The following JARID2 variants were observed in gnomAD, a reference collection of about 807,000 sequenced individuals.
JARID2 encodes the protein protein Jumonji.
Under a neutral mutation model 125.6 loss-of-function variants are expected in JARID2, and 21 were observed. The observed-to-expected ratio is 0.17, with a 90% CI of 0.12 to 0.24. The LOEUF is 0.24. Ranked by LOEUF, JARID2 falls within the 10% of genes least tolerant of loss-of-function variation. JARID2 has a pLI of 1.00. For missense variants in JARID2, 1,303 were observed against 1,639.6 expected (o/e 0.79, Z 3.55); for synonymous variants, 736 against 661.6 (o/e 1.11, Z -1.73).
At chr6:15,375,767 CTAGAGTTTAGAG>C (rs1174069147) in intron 2 of JARID2, among the ~76,000 whole-genome samples, 1 of 152,096 alleles carries the variant, frequency 6.6e-6, no homozygotes, top group East Asian at 1.9e-4. Flanking sequence ...TCACTTAATC[CTAGAGTTTAGAG>C]TGGAGCAGTG....
intron 1 of JARID2, among the ~76,000 whole-genome samples, chr6:15,323,852 T>C (rs965811043): frequency 2.7e-4 from 41 of 151,646 alleles, no homozygotes; most frequent in Admixed American, 2.4e-3. Context: ...ATCGCGCCAC[T>C]GTACTCCAGC....
intron 2 of JARID2, among the ~76,000 whole-genome samples, chr6:15,386,239 C>A (rs1764779622): frequency 6.6e-6 from 1 of 151,408 alleles, no homozygotes; most frequent in Non-Finnish European, 1.5e-5. Flanking sequence ...CCCTCTCCCC[C>A]ACCCCTCTCC....
At chr6:15,372,085 C>G (rs2127512209) in intron 1 of JARID2, among the ~76,000 whole-genome samples, 1 of 152,306 alleles carries the variant, frequency 6.6e-6, no homozygotes, top group South Asian at 2.1e-4. Context: ...GGCTTAGAGT[C>G]TCTATGATGT....
rs1334969891 is a variant in JARID2, at chr6:15,468,564, C to G, written c.516C>G (p.Ser172Arg). ...CAGGTTCTCCTGCGCTGCCCAACAG[C>G]ATGGTGTATTTTGGAAGCTCTCAGG... is the stretch of plus-strand genomic sequence containing the variant. ...CLRGSPALPN[S>R]MVYFGSSQDE... The change falls in exon 5 of 18, where the codon AGC becomes AGG. Residue 172 changes from serine (S) to arginine (R), a missense_variant. By Grantham distance (110) the Ser-to-Arg change is moderately radical. Transcript: ENST00000341776. 3 of 1,613,880 alleles carry G rather than the reference C, an allele frequency of 1.9e-6. No individual in the cohort carries two copies. The highest frequency in any genetic ancestry group is 2.7e-5 in the African/African-American group (2 of 74,978).
chr6:15,517,274 TC>T lies in JARID2; in HGVS notation c.3558+9del. On this transcript the variant is annotated splice_region_variant and intron_variant, in intron 17 of 17. Transcript: ENST00000341776. ...TGATGTACCGCTACGATGAGGTCAG[TC>T]CCTGCCCGCGGGGTAGGGCAGGGCG... 1 of 1,605,052 alleles carries T rather than the reference TC, an allele frequency of 6.2e-7. No individual in the cohort carries two copies. The highest frequency in any genetic ancestry group is 8.5e-7 in the Non-Finnish European group (1 of 1,171,784).
At chr6:15,308,009 T>G (rs543814605) in intron 1 of JARID2, among the ~76,000 whole-genome samples, 4 of 152,352 alleles carry the variant, frequency 2.6e-5, no homozygotes, top group East Asian at 3.9e-4. Flanking sequence ...CTCAAAACTT[T>G]CGAGTTTCCA....
At chr6:15,407,523 G>A (rs567197451) in intron 2 of JARID2, among the ~76,000 whole-genome samples, 1 of 152,178 alleles carries the variant, frequency 6.6e-6, no homozygotes, top group Non-Finnish European at 1.5e-5. Flanking sequence ...ATTCAGCTAA[G>A]ACTTCAGCTG....
intron 1 of JARID2, among the ~76,000 whole-genome samples, chr6:15,341,782 T>A (rs943510596): frequency 6.6e-6 from 1 of 152,230 alleles, no homozygotes; most frequent in African/African-American, 2.4e-5. Context: ...TCTGCATTGA[T>A]AGACTCAATA....
intron 2 of JARID2, among the ~76,000 whole-genome samples, chr6:15,383,283 T>C (rs1052619678): frequency 6.7e-6 from 1 of 149,524 alleles, no homozygotes; most frequent in Admixed American, 6.7e-5. Context: ...TACTGGCATG[T>C]ATCATCATGC....
chr6:15,459,717 T>C (rs1384604935), intron 4 of JARID2, among the ~76,000 whole-genome samples: 3 of 152,236 alleles, frequency 2.0e-5, no homozygotes, highest in Non-Finnish European at 1.5e-5. Flanking sequence ...GCTGGCCTCA[T>C]TGGCAAGGAA....
At chr6:15,252,918 G>C (rs970960640) in intron 1 of JARID2, among the ~76,000 whole-genome samples, 2 of 152,098 alleles carry the variant, frequency 1.3e-5, no homozygotes, top group African/African-American at 4.8e-5. Context: ...TTTTATTCTA[G>C]GAGGTGAGAA....
rs776567761 is a variant in JARID2, at chr6:15,480,455, C to A, written c.671-6852C>A. The stretch of plus-strand genomic sequence containing the variant: ...ATACACATCTAATAATCTAATAATA[C>A]ACATCAGGATTCCCTCTTGTGTTTG... On this transcript the variant is annotated intron_variant, in intron 5 of 17. Coordinates refer to ENST00000341776, the MANE Select transcript of JARID2 (RefSeq NM_004973.4). Among the ~76,000 whole-genome samples the A allele has an allele frequency of 6.6e-5, 10 of 152,078 alleles. No individual in the cohort carries two copies. In the South Asian group the frequency reaches 8.3e-4, roughly 13 times the overall value.
chr6:15,295,719 A>G (rs916582105), intron 1 of JARID2, among the ~76,000 whole-genome samples: 18 of 152,154 alleles, frequency 1.2e-4, no homozygotes, highest in Non-Finnish European at 1.5e-5. Flanking sequence ...GCTGCAGTAG[A>G]GTGGCACAAC....
At chr6:15,373,126 A>G (rs1764232707) in intron 1 of JARID2, among the ~76,000 whole-genome samples, 1 of 152,224 alleles carries the variant, frequency 6.6e-6, no homozygotes, top group Non-Finnish European at 1.5e-5. Context: ...ATCCTTGGCC[A>G]TGTGAATCAT....
At chr6:15,275,524 GC>G (rs1364021178) in intron 1 of JARID2, among the ~76,000 whole-genome samples, 92 of 6,770 alleles carry the variant, frequency 0.014, 2 homozygotes, top group South Asian at 0.037. Context: ...TCCATTTACC[GC>G]CCCCCCCGCC....
chr6:15,271,992 T>C (rs1428572372), intron 1 of JARID2, among the ~76,000 whole-genome samples: 1 of 152,088 alleles, frequency 6.6e-6, no homozygotes, highest in Non-Finnish European at 1.5e-5. Flanking sequence ...AGAGCGAGAC[T>C]GTCGCCTGTA....
intron 2 of JARID2, 106 bp downstream of exon 2, chr6:15,374,358 A>G: frequency 8.5e-7 from 1 of 1,177,174 alleles, no homozygotes; most frequent in Non-Finnish European, 1.2e-6. Flanking sequence ...TGGTCTAGGC[A>G]CCTAAAGGCA....
intron 1 of JARID2, among the ~76,000 whole-genome samples, chr6:15,357,760 T>C (rs997762155): frequency 2.0e-5 from 3 of 152,206 alleles, no homozygotes; most frequent in Non-Finnish European, 4.4e-5. Context: ...CTGCAGAAAG[T>C]GAGCTGTTTC....
At chr6:15,265,305 A>G (rs1235124471) in intron 1 of JARID2, among the ~76,000 whole-genome samples, 1 of 151,262 alleles carries the variant, frequency 6.6e-6, no homozygotes, top group Admixed American at 6.6e-5. Context: ...CTTTGGAGGA[A>G]GTGGGGGTGC....
Sources: gnomAD v4.1 joint callset for allele counts (sites outside exome capture counted in the v4.1 genomes callset) on GRCh38, gnomAD v4.1.1 for gene constraint, MANE v1.5 for transcripts, NCBI Gene and HGNC (gene_info 2026-07-23, HGNC 2026-07-21) for gene names.